NEGR1: variants seen among roughly 807,000 people sequenced by gnomAD.
NEGR1 encodes the protein neuronal growth regulator 1.
Under a neutral mutation model 40.9 loss-of-function variants are expected in NEGR1, and 10 were observed. The ratio of observed to expected loss-of-function variants is 0.24; its 90% CI spans 0.15 to 0.42. The LOEUF (loss-of-function observed/expected upper bound fraction) is 0.42. Among genes scored for constraint, NEGR1 ranks in the 10% least tolerant of loss-of-function variants. The probability of loss-of-function intolerance (pLI) is 1.00; values close to 1 mark genes in which losing one functional copy is unlikely to be tolerated. For missense variants in NEGR1, 352 were observed against 438.9 expected, an observed-to-expected ratio of 0.80 and a Z score of 1.77; for synonymous variants, 185 against 166.8, an observed-to-expected ratio of 1.11 and a Z score of -0.84.
At chr1:71,648,286 G>T (rs868703373) in intron 4 of NEGR1, among the ~76,000 whole-genome samples, 71 of 152,052 alleles carry the variant, frequency 4.7e-4, no homozygotes, top group Admixed American at 1.1e-3. Flanking sequence ...TATATATGCA[G>T]GGAAACACAA....
chr1:71,446,789 A>G (rs961474472), intron 6 of NEGR1, among the ~76,000 whole-genome samples: 1 of 152,236 alleles, frequency 6.6e-6, no homozygotes, highest in Non-Finnish European at 1.5e-5. Context: ...CCTTGAAGTC[A>G]CTACGTCCCC....
At chr1:71,591,667 T>C (rs771159432) in intron 6 of NEGR1, among the ~76,000 whole-genome samples, 2 of 152,108 alleles carry the variant, frequency 1.3e-5, no homozygotes, top group African/African-American at 2.4e-5. Context: ...TATTATACTA[T>C]AACTATTGCA....
At chr1:71,943,253 C>CATACACATGTATCATACACATAT (rs1226765182) in intron 1 of NEGR1, among the ~76,000 whole-genome samples, 19 of 149,414 alleles carry the variant, frequency 1.3e-4, no homozygotes, top group Admixed American at 9.4e-4. Context: ...CACACACATA[C>CATACACATGTATCATACACATAT]ATACACATGT....
chr1:71,714,431 GT>G (rs1423670845), intron 3 of NEGR1, among the ~76,000 whole-genome samples: 1 of 152,140 alleles, frequency 6.6e-6, no homozygotes, highest in African/African-American at 2.4e-5. Flanking sequence ...GTCTGCAAAA[GT>G]CTTAACTAAT....
chr1:71,419,234 C>T (rs1009691560), intron 6 of NEGR1, among the ~76,000 whole-genome samples: 3 of 152,144 alleles, frequency 2.0e-5, no homozygotes, highest in African/African-American at 7.2e-5. Flanking sequence ...TTAGGGGCAT[C>T]CAGAGAAAGA....
At chr1:71,945,000 G>T (rs1157791399) in intron 1 of NEGR1, among the ~76,000 whole-genome samples, 1 of 152,002 alleles carries the variant, frequency 6.6e-6, no homozygotes. Context: ...TTTTTAAACA[G>T]CTTCCTGTAA....
chr1:71,678,718 A>C (rs907846940), intron 4 of NEGR1, among the ~76,000 whole-genome samples: 3 of 152,136 alleles, frequency 2.0e-5, no homozygotes, highest in African/African-American at 7.2e-5. Context: ...GTTACTAGGC[A>C]CAGTATTGAG....
At chr1:72,088,490 C>A (rs1648311994) in intron 1 of NEGR1, among the ~76,000 whole-genome samples, 1 of 152,046 alleles carries the variant, frequency 6.6e-6, no homozygotes, top group Non-Finnish European at 1.5e-5. Flanking sequence ...AGATTTTATA[C>A]AATAGGAAAG....
At chr1:72,167,374 A>C (rs961440795) in intron 1 of NEGR1, among the ~76,000 whole-genome samples, 3 of 152,068 alleles carry the variant, frequency 2.0e-5, no homozygotes, top group Admixed American at 6.6e-5. Context: ...CTCAGAAAAC[A>C]CAAATTTAAA....
chr1:72,042,722 T>C (rs1218619236), intron 1 of NEGR1, among the ~76,000 whole-genome samples: 2 of 151,962 alleles, frequency 1.3e-5, no homozygotes, highest in African/African-American at 4.8e-5. Flanking sequence ...GCTAGGGGAA[T>C]GTAATTTGGA....
At chr1:71,407,651 T>A in intron 6 of NEGR1, 81 bp from the exon 7 acceptor site, 9 of 1,389,466 alleles carry the variant, frequency 6.5e-6, no homozygotes, top group Non-Finnish European at 9.1e-6. Flanking sequence ...GGTAGCCAGG[T>A]GCATCGGGGA....
chr1:71,616,025 C>A (rs1650435243), intron 4 of NEGR1, among the ~76,000 whole-genome samples: 1 of 152,164 alleles, frequency 6.6e-6, no homozygotes, highest in Admixed American at 6.5e-5. Context: ...CAAGTTTACA[C>A]CATTCTGAAC....
intron 2 of NEGR1, among the ~76,000 whole-genome samples, chr1:71,836,442 A>T (rs1659032318): frequency 7.1e-6 from 1 of 141,464 alleles, no homozygotes. Flanking sequence ...AAAAAAACAA[A>T]AAAACAAAAA....
intron 6 of NEGR1, among the ~76,000 whole-genome samples, chr1:71,582,587 T>G (rs1461184383): frequency 2.0e-5 from 3 of 152,146 alleles, no homozygotes; most frequent in Non-Finnish European, 4.4e-5. Flanking sequence ...CTTTTCAAAG[T>G]CAGAAGAGAT....
intron 1 of NEGR1, among the ~76,000 whole-genome samples, chr1:72,001,291 G>T (rs188394133): frequency 2.0e-5 from 3 of 151,896 alleles, no homozygotes; most frequent in African/African-American, 4.8e-5. Context: ...CACTTGGTGT[G>T]TCCATGTCCT....
intron 2 of NEGR1, among the ~76,000 whole-genome samples, chr1:71,928,905 G>A (rs950572747): frequency 2.6e-5 from 4 of 151,908 alleles, no homozygotes; most frequent in Admixed American, 6.6e-5. Flanking sequence ...TCTTCCATTG[G>A]ACCTGCACTA....
chr1:71,688,367 G>GAT (rs1491505759), intron 4 of NEGR1, among the ~76,000 whole-genome samples: 15 of 28,222 alleles, frequency 5.3e-4, no homozygotes, highest in Non-Finnish European at 9.3e-4. Flanking sequence ...ATATATATAT[G>GAT]AGATATATAC....
At chr1:72,233,411 G>T (rs887961878) in intron 1 of NEGR1, among the ~76,000 whole-genome samples, 4 of 152,074 alleles carry the variant, frequency 2.6e-5, no homozygotes, top group African/African-American at 9.7e-5. Context: ...AGTGAGCATA[G>T]TACACAATAG....
At chr1:71,767,831 T>C (rs532655863) in intron 3 of NEGR1, among the ~76,000 whole-genome samples, 25 of 152,144 alleles carry the variant, frequency 1.6e-4, no homozygotes, top group Non-Finnish European at 2.8e-4. Flanking sequence ...CCTCAGAACA[T>C]AGCTCCCTGC....
Sources: gnomAD v4.1 joint callset for allele counts (sites outside exome capture counted in the v4.1 genomes callset) on GRCh38, gnomAD v4.1.1 for gene constraint, MANE v1.5 for transcripts, NCBI Gene and HGNC (gene_info 2026-07-23, HGNC 2026-07-21) for gene names.